SAMD4B: variants seen among roughly 807,000 people sequenced by gnomAD.
The protein encoded by SAMD4B is sterile alpha motif domain containing 4B, also known as protein Smaug homolog 2.
In SAMD4B, 5 loss-of-function variants were observed where a neutral mutation model predicts 74.5. That is an observed-to-expected ratio of 0.07 (90% CI 0.04 to 0.14). SAMD4B has a LOEUF of 0.14. Ranked by LOEUF, SAMD4B falls within the 10% of genes least tolerant of loss-of-function variation. SAMD4B has a pLI of 1.00. For synonymous variants in SAMD4B, 373 were observed against 374.9 expected, an observed-to-expected ratio of 1.00 and a Z score of 0.06; for missense variants, 608 against 921.8, an observed-to-expected ratio of 0.66 and a Z score of 4.41.
chr19:39,371,614 C>T (rs538781989), intron 4 of SAMD4B, among the ~76,000 whole-genome samples: 31 of 152,172 alleles, frequency 2.0e-4, no homozygotes, highest in Non-Finnish European at 3.8e-4. Context: ...GTCAGGAGTT[C>T]GAGACCAGCC....
In SAMD4B at chr19:39,375,534, C is replaced by A; in HGVS notation, c.668-116C>A. ...GCAGTTACCCTTGGACCCCAGGTCC[C>A]TTCCTCTTGGCAGGTTATGGGGCCA... On this transcript the variant is annotated intron_variant, in intron 4 of 13. Transcript: ENST00000610417. This position sits in a 1 kb window ranked among gnomAD's most constrained non-coding sequence, Gnocchi z 4.1. 7.3e-7 allele frequency: 1 copy of A among 1,372,276 alleles called. No homozygotes were observed. The highest frequency in any genetic ancestry group is 1.4e-5 in the South Asian group (1 of 72,902). The allele number at this position is 1,372,276 out of a possible 1,614,324, so 85.0% of individuals were successfully genotyped here.
chr19:39,389,907 A>T (rs2078336405), downstream of SAMD4B: 8 of 1,182,372 alleles, frequency 6.8e-6, no homozygotes, highest in Non-Finnish European at 1.0e-5. The surrounding 1 kb of genome is among the most constrained non-coding windows in gnomAD (Gnocchi z 5.3). Context: ...CCCAGTGGGA[A>T]GGGACTTGGA....
At position 39,380,930 on chromosome 19, in the gene SAMD4B, A is replaced by T. The variant is rs2077939134; in HGVS notation, c.1849-60A>T. 6 of 1,550,304 alleles carry T rather than the reference A, an allele frequency of 3.9e-6. No homozygotes were observed. The Admixed American group carries it at 9.3e-5, about 24-fold the overall frequency. On this transcript the variant is annotated intron_variant, in intron 11 of 13. Coordinates refer to ENST00000610417, the MANE Select transcript of SAMD4B (RefSeq NM_001384574.2). ...GGAGAAGGCCTGTACCACCTCCACC[A>T]CTCTTGGGTCTGGGCCTCTTCTGCA...
chr19:39,378,648 C>T lies in SAMD4B; in HGVS notation c.1530+59C>T. The T allele has an allele frequency of 6.8e-7, 1 of 1,473,210 alleles. No individual in the cohort carries two copies. The highest frequency in any genetic ancestry group is 1.1e-5 in the South Asian group (1 of 87,698). The allele number at this position is 1,473,210 out of a possible 1,614,324, so 91.3% of individuals were successfully genotyped here. On this transcript the variant is annotated intron_variant, in intron 9 of 13. Coordinates refer to ENST00000610417, the MANE Select transcript of SAMD4B (RefSeq NM_001384574.2). This position sits in a 1 kb window ranked among gnomAD's most constrained non-coding sequence, Gnocchi z 4.4. Reference sequence around the variant, plus strand: ...AGGCGGCCAGGCGTGGTGGTTCACGCCTGTAGTCCCAGCACTTCGGCCACC... The same window carrying T: ...AGGCGGCCAGGCGTGGTGGTTCACGTCTGTAGTCCCAGCACTTCGGCCACC...
intron 4 of SAMD4B, among the ~76,000 whole-genome samples, chr19:39,374,190 G>T (rs1468515405): frequency 6.6e-6 from 1 of 152,138 alleles, no homozygotes; most frequent in African/African-American, 2.4e-5. Context: ...AGAATCGCTT[G>T]AACCCAGGAG....
At chr19:39,344,569 C>T (rs1362559852) in intron 1 of SAMD4B, among the ~76,000 whole-genome samples, 1 of 152,130 alleles carries the variant, frequency 6.6e-6, no homozygotes, top group Non-Finnish European at 1.5e-5. Context: ...TATTTAGGAC[C>T]CTATCAGATT....
intron 3 of SAMD4B, among the ~76,000 whole-genome samples, chr19:39,364,683 G>T (rs936731624): frequency 6.6e-6 from 1 of 152,088 alleles, no homozygotes; most frequent in Non-Finnish European, 1.5e-5. Context: ...AGTTCTTATC[G>T]TTTGATCCAG....
At position 39,385,300 on chromosome 19, in the gene SAMD4B, A is replaced by T. The variant is rs931375825; in HGVS notation, c.*1773A>T. 8.0e-6 allele frequency: 3 copies of T among 375,510 alleles called. No homozygotes were observed. Among genetic ancestry groups the T allele is most frequent in the Non-Finnish European group, 1.4e-5 (3 of 212,234 alleles). The allele number at this position is 375,510 out of a possible 1,614,324, so 23.3% of individuals were successfully genotyped here. A position where few individuals can be genotyped will look rare whatever the true frequency, so the allele number is the denominator to read the frequency against. On this transcript the variant is annotated 3_prime_UTR_variant, in exon 14 of 14. Transcript: ENST00000610417. ...TTGGAATCAGCAGGGTGTCCCTCTC[A>T]TGGGACCCTCCCCTCTCCCCAGCCT... is the stretch of plus-strand genomic sequence containing the variant.
intron 1 of SAMD4B, chr19:39,350,813 C>G (rs1192264487): frequency 6.6e-6 from 1 of 152,122 alleles, no homozygotes; most frequent in Non-Finnish European, 1.5e-5. Context: ...AGTGCAGTGG[C>G]ATGATCTCAG....
chr19:39,368,645 G>A (rs954815153), intron 3 of SAMD4B, among the ~76,000 whole-genome samples: 2 of 152,184 alleles, frequency 1.3e-5, no homozygotes, highest in Non-Finnish European at 2.9e-5. Flanking sequence ...GATTTAGGAA[G>A]ATAAATGCAT....
intron 6 of SAMD4B, 57 bp downstream of exon 6, chr19:39,376,603 T>G: frequency 1.3e-6 from 2 of 1,584,964 alleles, no homozygotes; most frequent in Non-Finnish European, 1.7e-6. Flanking sequence ...TTGGCATCCT[T>G]GCAGCCCAAG....
chr19:39,386,807 G>A (rs111335279), downstream of SAMD4B: 729 of 1,592,230 alleles, frequency 4.6e-4, 2 homozygotes, highest in African/African-American at 4.5e-3. This position sits in a 1 kb window ranked among gnomAD's most constrained non-coding sequence, Gnocchi z 6.1. Context: ...ACCCTGCAGG[G>A]GGTGAATTTG....
intron 12 of SAMD4B, chr19:39,381,333 A>G (rs1168966506): frequency 3.9e-6 from 2 of 519,360 alleles, no homozygotes; most frequent in East Asian, 3.3e-5. Flanking sequence ...CTGAGTCATC[A>G]TCTCTCACCC....
intron 4 of SAMD4B, among the ~76,000 whole-genome samples, chr19:39,374,174 G>A (rs1319480306): frequency 6.6e-6 from 1 of 152,158 alleles, no homozygotes; most frequent in African/African-American, 2.4e-5. Flanking sequence ...GGGAGGCTGA[G>A]GCAGGAGAAT....
chr19:39,378,523 G>A lies in SAMD4B; in HGVS notation c.1464G>A (p.Val488=), dbSNP rs2077741368. ...VMGKVCTQLL[V]SRPDEENITS... Reference sequence around the variant, plus strand: ...CCCCAGTGTGCACCCAACTGCTGGTGTCCCGACCAGACGAGGAGAACATCA... The same window carrying A: ...CCCCAGTGTGCACCCAACTGCTGGTATCCCGACCAGACGAGGAGAACATCA... Residue 488 remains valine, a synonymous_variant, in exon 9 of 14, where the codon GTG becomes GTA. Coordinates refer to ENST00000610417, the MANE Select transcript of SAMD4B (RefSeq NM_001384574.2). The surrounding 1 kb of genome is among the most constrained non-coding windows in gnomAD (Gnocchi z 4.4). 6.2e-7 allele frequency: 1 copy of A among 1,613,844 alleles called. No individual in the cohort carries two copies. Among genetic ancestry groups the A allele is most frequent in the African/African-American group, 1.3e-5 (1 of 74,880 alleles).
intron 3 of SAMD4B, chr19:39,369,280 G>C (rs562709665): frequency 3.5e-6 from 1 of 289,406 alleles, no homozygotes; most frequent in Admixed American, 4.9e-5. Flanking sequence ...TGTGGCCCCA[G>C]TATGGTGACC....
rs933142027 is a variant in SAMD4B at position 39,369,989 on chromosome 19, C to A, written c.531C>A (p.Gly177=). ...HSRQGSDEWG[G]PAELGPGEAG... ...GTCAAGGCTCAGATGAGTGGGGGGG[C>A]CCTGCAGAGCTAGGCCCTGGGGAGG... The change falls in exon 4 of 14, where the codon GGC becomes GGA. Residue 177 remains glycine (G), a synonymous_variant. Coordinates refer to ENST00000610417, the MANE Select transcript of SAMD4B (RefSeq NM_001384574.2). 1.2e-6 allele frequency: 2 copies of A among 1,613,054 alleles called. No individual in the cohort carries two copies. Among genetic ancestry groups the A allele is most frequent in the African/African-American group, 2.7e-5 (2 of 74,884 alleles).
chr19:39,355,195 C>G (rs1216545646), intron 2 of SAMD4B, among the ~76,000 whole-genome samples: 1 of 152,126 alleles, frequency 6.6e-6, no homozygotes, highest in East Asian at 1.9e-4. Flanking sequence ...TATTTAAGTG[C>G]AATGGGAAGT....
In SAMD4B at chr19:39,375,584, A is replaced by AG; in HGVS notation, c.668-61dup. ...AAACTGCCATCCTGGCACTGACGGC[A>AG]GGGGGATGGTCTCCTGTGGTTGGGT... On this transcript the variant is annotated intron_variant, in intron 4 of 13. Transcript: ENST00000610417. This position sits in a 1 kb window ranked among gnomAD's most constrained non-coding sequence, Gnocchi z 4.1. The AG allele has an allele frequency of 6.4e-7, 1 of 1,559,852 alleles. No homozygotes were observed. Among genetic ancestry groups the AG allele is most frequent in the Non-Finnish European group, 8.7e-7 (1 of 1,145,692 alleles).
Sources: allele counts gnomAD v4.1 joint callset (sites outside exome capture counted in the v4.1 genomes callset), GRCh38; gene constraint gnomAD v4.1.1; non-coding constraint Gnocchi (gnomAD v3.1); transcripts MANE v1.5; gene names NCBI Gene and HGNC (gene_info 2026-07-23, HGNC 2026-07-21).